The following PHACTR4 variants were observed in gnomAD, a reference collection of about 807,000 sequenced individuals.
PHACTR4 encodes protein phosphatase 1, regulatory subunit 124.
A neutral mutation model predicts 72.7 loss-of-function variants in PHACTR4; 51 were observed. The observed-to-expected ratio is 0.70, with a 90% CI of 0.56 to 0.89. The LOEUF (loss-of-function observed/expected upper bound fraction) is 0.89. Among genes scored for constraint, PHACTR4 ranks in the 40% least tolerant of loss-of-function variants. The pLI, the probability that PHACTR4 is intolerant of heterozygous loss-of-function variation, is 0.00. For missense variants in PHACTR4, 731 were observed against 861.8 expected, an observed-to-expected ratio of 0.85 and a Z score of 1.90; for synonymous variants, 255 against 302.5, an observed-to-expected ratio of 0.84 and a Z score of 1.63.
intron 2 of PHACTR4, among the ~76,000 whole-genome samples, chr1:28,429,669 A>G (rs1367007711): frequency 3.3e-5 from 5 of 152,202 alleles, no homozygotes; most frequent in Admixed American, 3.3e-4. Context: ...AAGATTAATA[A>G]TACTCGGTGC....
At chr1:28,412,190 A>G (rs1334494906) in intron 2 of PHACTR4, among the ~76,000 whole-genome samples, 1 of 152,242 alleles carries the variant, frequency 6.6e-6, no homozygotes, top group Non-Finnish European at 1.5e-5. Context: ...CTTGAATTCT[A>G]TCACTAGCAA....
intron 1 of PHACTR4, among the ~76,000 whole-genome samples, chr1:28,390,629 A>G (rs1178049473): frequency 6.6e-6 from 1 of 151,904 alleles, no homozygotes; most frequent in Non-Finnish European, 1.5e-5. Context: ...TATCTCTACT[A>G]AAAGTACAAA....
intron 2 of PHACTR4, among the ~76,000 whole-genome samples, chr1:28,451,960 C>T (rs139604245): frequency 7.0e-4 from 106 of 152,212 alleles, no homozygotes; most frequent in African/African-American, 2.4e-3. Context: ...TTCTTCAAAA[C>T]TCTTTATTAT....
intron 2 of PHACTR4, among the ~76,000 whole-genome samples, chr1:28,455,239 C>T (rs1177728759): frequency 7.8e-6 from 1 of 128,206 alleles, no homozygotes; most frequent in Non-Finnish European, 1.6e-5. Flanking sequence ...TTTGCTTTCA[C>T]CCAGGCTGGA....
intron 2 of PHACTR4, among the ~76,000 whole-genome samples, chr1:28,430,986 G>T (rs914878441): frequency 1.3e-5 from 2 of 151,284 alleles, no homozygotes; most frequent in Admixed American, 1.3e-4. Flanking sequence ...GACCATCTTG[G>T]CTAACACAGT....
At chr1:28,399,227 G>A (rs906509603) in intron 1 of PHACTR4, among the ~76,000 whole-genome samples, 1 of 151,994 alleles carries the variant, frequency 6.6e-6, no homozygotes, top group African/African-American at 2.4e-5. Context: ...CAGGAGAATC[G>A]CTTGAATCCA....
intron 4 of PHACTR4, among the ~76,000 whole-genome samples, chr1:28,463,577 A>T (rs1173889439): frequency 6.6e-6 from 1 of 152,224 alleles, no homozygotes; most frequent in Non-Finnish European, 1.5e-5. Flanking sequence ...TTTGTTAAAC[A>T]TGGGCAGTAA....
chr1:28,380,935 A>T (rs1378546527), intron 1 of PHACTR4, among the ~76,000 whole-genome samples: 1 of 152,018 alleles, frequency 6.6e-6, no homozygotes, highest in Non-Finnish European at 1.5e-5. Context: ...CAATAGTTGA[A>T]CTAATTTATA....
At chr1:28,437,351 C>T (rs963423076) in intron 2 of PHACTR4, among the ~76,000 whole-genome samples, 3 of 152,140 alleles carry the variant, frequency 2.0e-5, no homozygotes, top group Admixed American at 1.3e-4. Context: ...ACCTCCCCTC[C>T]CTCCAGTAGC....
chr1:28,374,970 G>C (rs1001933938), intron 1 of PHACTR4, among the ~76,000 whole-genome samples: 1 of 152,124 alleles, frequency 6.6e-6, no homozygotes, highest in African/African-American at 2.4e-5. Context: ...TACATTATTC[G>C]CTTCAAATTC....
rs537455578 is a variant in PHACTR4, at chr1:28,390,620, A to G, written c.-38-16790A>G. ...GCCTGGCCAACATGGTGATACCCCT[A>G]TCTCTACTAAAAGTACAAAAAAATT... is the stretch of plus-strand genomic sequence containing the variant. On this transcript the variant is annotated intron_variant, in intron 1 of 13. Coordinates refer to ENST00000373839, the MANE Select transcript of PHACTR4 (RefSeq NM_001048183.3). 2.6e-5 allele frequency among the ~76,000 whole-genome samples: 4 copies of G among 151,244 alleles called. No individual in the cohort carries two copies. The South Asian group carries it at 8.4e-4, about 32-fold the overall frequency.
At chr1:28,406,705 A>G (rs764235660) in intron 1 of PHACTR4, among the ~76,000 whole-genome samples, 3 of 152,208 alleles carry the variant, frequency 2.0e-5, no homozygotes, top group Non-Finnish European at 4.4e-5. Context: ...TGACCTTAGG[A>G]TAAAAACCAC....
intron 8 of PHACTR4, among the ~76,000 whole-genome samples, 183 bp from the exon 9 acceptor site, chr1:28,480,268 A>G (rs1350776786): frequency 2.0e-5 from 3 of 152,212 alleles, no homozygotes; most frequent in African/African-American, 4.8e-5. Flanking sequence ...CCACCTGGCT[A>G]AAAAGATTTT....
At chr1:28,379,348 A>T (rs550770671) in intron 1 of PHACTR4, among the ~76,000 whole-genome samples, 1 of 151,000 alleles carries the variant, frequency 6.6e-6, no homozygotes, top group Admixed American at 6.6e-5. Flanking sequence ...GCTCACTGCA[A>T]CCTCTACCTC....
chr1:28,444,214 CTTTTTTTTT>C (rs746642128), intron 2 of PHACTR4, among the ~76,000 whole-genome samples: 37 of 41,106 alleles, frequency 9.0e-4, no homozygotes, highest in African/African-American at 1.7e-3. Flanking sequence ...ATATATTTGG[CTTTTTTTTT>C]TTTTTTTTTT....
At chr1:28,432,354 A>G (rs1374040128) in intron 2 of PHACTR4, among the ~76,000 whole-genome samples, 1 of 150,218 alleles carries the variant, frequency 6.7e-6, no homozygotes, top group Non-Finnish European at 1.5e-5. Context: ...AGCTGAGGCT[A>G]GAGGATCTCT....
At chr1:28,474,476 C>T (rs1454269239) in intron 7 of PHACTR4, among the ~76,000 whole-genome samples, 1 of 142,712 alleles carries the variant, frequency 7.0e-6, no homozygotes, top group Non-Finnish European at 1.5e-5. Flanking sequence ...TGAGCCAAGA[C>T]TGTGCCACTG....
At chr1:28,430,336 C>G (rs61783837) in intron 2 of PHACTR4, among the ~76,000 whole-genome samples, 18,898 of 152,078 alleles carry the variant, frequency 0.12, 1,404 homozygotes, top group Non-Finnish European at 0.16. Flanking sequence ...CCAGACAGTT[C>G]TTAATGGATG....
intron 9 of PHACTR4, among the ~76,000 whole-genome samples, chr1:28,487,717 G>GTTTTTTTTTTTTTTTTTTTTTTTT (rs1320016675): frequency 9.8e-6 from 1 of 102,416 alleles, no homozygotes; most frequent in African/African-American, 4.1e-5. Context: ...ACAAATTGTA[G>GTTTTTTTTTTTTTTTTTTTTTTTT]TTTTTTGTTG....
Sources: allele counts gnomAD v4.1 joint callset (sites outside exome capture counted in the v4.1 genomes callset), GRCh38; gene constraint gnomAD v4.1.1; transcripts MANE v1.5; gene names NCBI Gene and HGNC (gene_info 2026-07-23, HGNC 2026-07-21).